The following LRP1B variants were observed in gnomAD, a reference collection of about 807,000 sequenced individuals.
LRP1B encodes LDL receptor related protein 1B.
LRP1B carries 217 observed loss-of-function variants against 556.6 expected under a neutral mutation model. That is an observed-to-expected ratio of 0.39 (90% CI 0.35 to 0.44). The LOEUF is 0.44. Among genes scored for constraint, LRP1B ranks in the 20% least tolerant of loss-of-function variants. The pLI, the probability that LRP1B is intolerant of heterozygous loss-of-function variation, is 1.00. For missense variants in LRP1B, 5,053 were observed against 5,620.8 expected, an observed-to-expected ratio of 0.90 and a Z score of 3.23; for synonymous variants, 2,047 against 1,865.8, an observed-to-expected ratio of 1.10 and a Z score of -2.50.
At chr2:141,785,887 GAAC>G (rs561106858) in intron 2 of LRP1B, among the ~76,000 whole-genome samples, 27 of 151,776 alleles carry the variant, frequency 1.8e-4, no homozygotes, top group Middle Eastern at 3.4e-3. Flanking sequence ...GAGAAAGAAA[GAAC>G]AGAATTTTGA....
chr2:141,424,436 A>G (rs1026592314), intron 3 of LRP1B, among the ~76,000 whole-genome samples: 1 of 152,110 alleles, frequency 6.6e-6, no homozygotes, highest in Non-Finnish European at 1.5e-5. Flanking sequence ...AACTACTTCC[A>G]TGACATGTAA....
At chr2:141,161,851 C>T (rs1291684915) in intron 7 of LRP1B, among the ~76,000 whole-genome samples, 1 of 152,042 alleles carries the variant, frequency 6.6e-6, no homozygotes, top group Non-Finnish European at 1.5e-5. Context: ...TACGTTGTCC[C>T]TTGGGATATG....
chr2:141,820,156 CAG>C (rs1288995062), intron 1 of LRP1B, among the ~76,000 whole-genome samples: 1 of 152,108 alleles, frequency 6.6e-6, no homozygotes, highest in Non-Finnish European at 1.5e-5. Context: ...TGTTACCCTC[CAG>C]AGTCTCTTAA....
intron 35 of LRP1B, among the ~76,000 whole-genome samples, chr2:140,736,189 G>A (rs536589844): frequency 3.3e-5 from 5 of 152,204 alleles, no homozygotes; most frequent in African/African-American, 1.2e-4. Context: ...ATGTGAGAAA[G>A]GAAAACCCAC....
At chr2:141,063,743 T>G (rs1360760483) in intron 7 of LRP1B, among the ~76,000 whole-genome samples, 1 of 151,964 alleles carries the variant, frequency 6.6e-6, no homozygotes, top group Non-Finnish European at 1.5e-5. Context: ...TCACTCTTTC[T>G]TACTATAGAA....
chr2:141,467,512 G>A (rs1047204464), intron 3 of LRP1B, among the ~76,000 whole-genome samples: 3 of 152,096 alleles, frequency 2.0e-5, no homozygotes, highest in African/African-American at 7.2e-5. Context: ...GAAGGCATAA[G>A]GTAGATGGCA....
At chr2:141,059,205 C>T in intron 8 of LRP1B, 151 bp from the exon 9 acceptor site, 1 of 519,252 alleles carries the variant, frequency 1.9e-6, no homozygotes. Flanking sequence ...TTCAACATTT[C>T]CCTGATTAAA....
chr2:141,187,315 T>C (rs567890289), intron 7 of LRP1B, among the ~76,000 whole-genome samples: 1 of 152,216 alleles, frequency 6.6e-6, no homozygotes, highest in South Asian at 2.1e-4. Flanking sequence ...ATGATGCGTC[T>C]TAATATTCAA....
intron 1 of LRP1B, among the ~76,000 whole-genome samples, chr2:142,009,732 C>T (rs1160301055): frequency 2.0e-5 from 3 of 152,012 alleles, no homozygotes; most frequent in Admixed American, 2.0e-4. Context: ...TATGTGTATG[C>T]ATGCATGTGT....
At chr2:141,158,495 C>T (rs1302301004) in intron 7 of LRP1B, among the ~76,000 whole-genome samples, 1 of 152,064 alleles carries the variant, frequency 6.6e-6, no homozygotes, top group Admixed American at 6.6e-5. Context: ...CAGGTCTCTC[C>T]TGAGTCTATG....
chr2:141,244,076 G>A (rs1683981033), intron 5 of LRP1B, among the ~76,000 whole-genome samples: 1 of 152,144 alleles, frequency 6.6e-6, no homozygotes, highest in Non-Finnish European at 1.5e-5. Flanking sequence ...TAGTAGGGAA[G>A]AGATCATGAT....
chr2:141,830,885 A>G (rs983615851), intron 1 of LRP1B, among the ~76,000 whole-genome samples: 1 of 151,824 alleles, frequency 6.6e-6, no homozygotes, highest in South Asian at 2.1e-4. Flanking sequence ...CCTGATTTAC[A>G]TCATCTAGAA....
At chr2:140,246,565 A>G (rs973665864) in intron 87 of LRP1B, among the ~76,000 whole-genome samples, 1 of 104,422 alleles carries the variant, frequency 9.6e-6, no homozygotes, top group African/African-American at 2.9e-5. Context: ...ATATTTTAAT[A>G]TACTTCAAAA....
At chr2:141,913,983 T>C (rs986693316) in intron 1 of LRP1B, among the ~76,000 whole-genome samples, 1 of 152,100 alleles carries the variant, frequency 6.6e-6, no homozygotes, top group Admixed American at 6.6e-5. Context: ...CCTGACCTCA[T>C]GATCTGCCCA....
intron 55 of LRP1B, among the ~76,000 whole-genome samples, chr2:140,500,103 T>C (rs1311380440): frequency 6.6e-6 from 1 of 152,026 alleles, no homozygotes; most frequent in Non-Finnish European, 1.5e-5. Context: ...GCTTTCTTTC[T>C]TTCTGCCTGT....
intron 2 of LRP1B, among the ~76,000 whole-genome samples, chr2:141,600,693 A>G (rs188577324): frequency 7.2e-5 from 11 of 151,964 alleles, no homozygotes; most frequent in African/African-American, 1.7e-4. Flanking sequence ...AAATAAGAAA[A>G]ATTTCTTTAT....
chr2:140,776,801 A>G (rs1689515671), intron 32 of LRP1B, among the ~76,000 whole-genome samples: 1 of 152,136 alleles, frequency 6.6e-6, no homozygotes, highest in Non-Finnish European at 1.5e-5. Flanking sequence ...CCAAAATTGC[A>G]TTAATTTATA....
intron 4 of LRP1B, among the ~76,000 whole-genome samples, chr2:141,251,275 T>C (rs1684250986): frequency 6.6e-6 from 1 of 152,114 alleles, no homozygotes; most frequent in Admixed American, 6.6e-5. Flanking sequence ...TTAACTAGAC[T>C]TTAAGGGAAA....
intron 79 of LRP1B, among the ~76,000 whole-genome samples, chr2:140,330,253 AAAG>A (rs1390887070): frequency 2.1e-5 from 3 of 144,654 alleles, no homozygotes; most frequent in African/African-American, 7.6e-5. Flanking sequence ...TGGAGCCAAA[AAAG>A]AGCCCGTATA....
Sources: allele counts gnomAD v4.1 joint callset (sites outside exome capture counted in the v4.1 genomes callset), GRCh38; gene constraint gnomAD v4.1.1; transcripts MANE v1.5; gene names NCBI Gene and HGNC (gene_info 2026-07-23, HGNC 2026-07-21).